The following NUP37 variants were observed in gnomAD, a reference collection of about 807,000 sequenced individuals.
NUP37 encodes nucleoporin 37, also known as nucleoporin Nup37.
In NUP37, 33 loss-of-function variants were observed where a neutral mutation model predicts 45.4. That is an observed-to-expected ratio of 0.73 (90% CI 0.55 to 0.97). The LOEUF (loss-of-function observed/expected upper bound fraction) is 0.97, where lower values mean the gene tolerates loss of function less well. Ranked by LOEUF, NUP37 falls within the 50% of genes least tolerant of loss-of-function variation. The pLI is 0.00. For missense variants in NUP37, 365 were observed against 389.7 expected, an observed-to-expected ratio of 0.94 and a Z score of 0.53; for synonymous variants, 127 against 130.7, an observed-to-expected ratio of 0.97 and a Z score of 0.19.
chr12:102,087,676 T>C (rs114258540), intron 5 of NUP37, among the ~76,000 whole-genome samples: 177 of 152,334 alleles, frequency 1.2e-3, no homozygotes, highest in African/African-American at 3.8e-3. Flanking sequence ...ACTACTGAAA[T>C]AGTATGAATT....
intron 2 of NUP37, among the ~76,000 whole-genome samples, chr12:102,114,046 AAC>A (rs1490163827): frequency 6.6e-6 from 1 of 152,238 alleles, no homozygotes; most frequent in African/African-American, 2.4e-5. Context: ...AGGAAAGAAA[AAC>A]ACTGTCAAAT....
In NUP37 at chr12:102,077,399, G is replaced by A; in HGVS notation, c.645C>T (p.His215=). 6.2e-7 allele frequency: 1 copy of A among 1,614,148 alleles called. No homozygotes were observed. The highest frequency in any genetic ancestry group is 8.5e-7 in the Non-Finnish European group (1 of 1,179,996). The change falls in exon 7 of 10, where the codon CAC becomes CAT. Residue 215 remains histidine (H), a synonymous_variant. Transcript: ENST00000552283. The part of the protein sequence containing the change: ...ESEQVPLMSA[H]WCLKNTFKVG... ...CTTTGAAGGTGTTTTTTAAGCACCA[G>A]TGTGCTGACATTAATGGCACTTGTT...
chr12:102,101,465 C>T (rs1424498778), intron 3 of NUP37, among the ~76,000 whole-genome samples: 3 of 152,038 alleles, frequency 2.0e-5, no homozygotes, highest in Non-Finnish European at 4.4e-5. Context: ...TCATTTTAGC[C>T]AGGTCACCAA....
intron 5 of NUP37, among the ~76,000 whole-genome samples, chr12:102,091,894 T>C (rs1242277586): frequency 6.6e-6 from 1 of 152,224 alleles, no homozygotes; most frequent in African/African-American, 2.4e-5. Context: ...TTTATTGCTA[T>C]GATTATTGCT....
At chr12:102,105,668 C>G (rs1016096042) in intron 3 of NUP37, among the ~76,000 whole-genome samples, 1 of 151,976 alleles carries the variant, frequency 6.6e-6, no homozygotes, top group African/African-American at 2.4e-5. Context: ...TGAGACCAGC[C>G]TGGTCAACAC....
At chr12:102,074,936 G>C in intron 9 of NUP37, 65 bp downstream of exon 9, 1 of 1,029,802 alleles carries the variant, frequency 9.7e-7, no homozygotes, top group Non-Finnish European at 1.4e-6. Context: ...GCTATGAGTG[G>C]AAAAGTCAAA....
Position 102,077,385 on chromosome 12 carries a change from T to G in NUP37, c.659A>C (p.Asn220Thr). Reference protein sequence around the residue: ...PLMSAHWCLKNTFKVGAVAGN... With the variant: ...PLMSAHWCLKTTFKVGAVAGN... Reference sequence around the variant, plus strand: ...TGCAACGGCTCCAACTTTGAAGGTGTTTTTTAAGCACCAGTGTGCTGACAT... The same window carrying G: ...TGCAACGGCTCCAACTTTGAAGGTGGTTTTTAAGCACCAGTGTGCTGACAT... The change falls in exon 7 of 10, where the codon AAC becomes ACC. Residue 220 changes from asparagine (N) to threonine (T), a missense_variant. By Grantham distance (65) the Asn-to-Thr change is moderately conservative (BLOSUM62 0). Transcript: ENST00000552283. 2.5e-6 allele frequency: 4 copies of G among 1,614,086 alleles called. No homozygotes were observed. The highest frequency in any genetic ancestry group is 3.4e-6 in the Non-Finnish European group (4 of 1,179,992).
At chr12:102,083,864 G>T (rs1414732177) in intron 6 of NUP37, among the ~76,000 whole-genome samples, 2 of 152,186 alleles carry the variant, frequency 1.3e-5, no homozygotes, top group East Asian at 3.8e-4. Flanking sequence ...TGAAGGAAAA[G>T]GCCACGGGAT....
chr12:102,102,309 T>C (rs1430942146), intron 3 of NUP37, among the ~76,000 whole-genome samples: 3 of 152,286 alleles, frequency 2.0e-5, no homozygotes, highest in Non-Finnish European at 2.9e-5. Context: ...TCAAGAGTTG[T>C]TAGAGAAAAC....
chr12:102,109,218 A>G (rs1880242980), intron 3 of NUP37, among the ~76,000 whole-genome samples: 1 of 152,224 alleles, frequency 6.6e-6, no homozygotes. Context: ...CTACGCAAGA[A>G]AAGCAAGTAG....
intron 2 of NUP37, among the ~76,000 whole-genome samples, chr12:102,117,072 C>T (rs186120021): frequency 6.6e-6 from 1 of 152,284 alleles, no homozygotes; most frequent in Admixed American, 6.5e-5. Flanking sequence ...ATAACTATCA[C>T]TTTAGTGATA....
Position 102,118,410 on chromosome 12 carries a change from C to T in NUP37, c.109G>A (p.Ala37Thr), listed in dbSNP as rs997619752. The stretch of plus-strand genomic sequence containing the variant: ...ACCACATAATTATTGCCACCATATG[C>T]AATTAGGTTTCCTGAATCCCCATTC... ...FENGDSGNLI[A>T]YGGNNYVVIG... is the part of the protein sequence containing the mutation. Residue 37 changes from alanine (A) to threonine (T), a missense_variant, in exon 2 of 10, where the codon GCA (alanine) becomes ACA (threonine). Transcript: ENST00000552283. The T allele has an allele frequency of 1.9e-6, 3 of 1,613,994 alleles. No individual in the cohort carries two copies. Among genetic ancestry groups the T allele is most frequent in the South Asian group, 2.2e-5 (2 of 91,062 alleles).
chr12:102,109,783 G>A (rs1310948480), intron 3 of NUP37, among the ~76,000 whole-genome samples: 2 of 152,114 alleles, frequency 1.3e-5, no homozygotes, highest in Admixed American at 6.5e-5. Flanking sequence ...AGGAAAACAA[G>A]TACTAAGCAA....
At chr12:102,109,902 CAA>C (rs1880262166) in intron 3 of NUP37, among the ~76,000 whole-genome samples, 1 of 152,134 alleles carries the variant, frequency 6.6e-6, no homozygotes, top group Non-Finnish European at 1.5e-5. Flanking sequence ...TTTAAAGAAT[CAA>C]AGAGACTTGT....
At position 102,120,112 on chromosome 12, in the gene NUP37, T is replaced by C. The variant is rs1049030166; in HGVS notation, c.-128A>G. The C allele has an allele frequency of 1.1e-5, 2 of 175,882 alleles. No homozygotes were observed. Among genetic ancestry groups the C allele is most frequent in the South Asian group, 1.8e-4 (2 of 11,072 alleles). The allele number at this position is 175,882 out of a possible 1,614,324, so 10.9% of individuals were successfully genotyped here. A position where few individuals can be genotyped will look rare whatever the true frequency, so the allele number is the denominator to read the frequency against. ...TTCCTTGGGGGCTGCCGCGACGCGC[T>C]GTGGCTCTGCTTCCGGGTCGGAGGG... On this transcript the variant is annotated 5_prime_UTR_variant, in exon 1 of 10. Transcript: ENST00000552283.
intron 5 of NUP37, among the ~76,000 whole-genome samples, chr12:102,095,220 A>G (rs1320800342): frequency 6.6e-6 from 1 of 152,246 alleles, no homozygotes; most frequent in East Asian, 1.9e-4. Context: ...AAATACTTAA[A>G]TGACACTTTT....
chr12:102,103,167 G>A (rs1001288200), intron 3 of NUP37, among the ~76,000 whole-genome samples: 1 of 152,054 alleles, frequency 6.6e-6, no homozygotes, highest in African/African-American at 2.4e-5. Flanking sequence ...GCATTGCATT[G>A]AATCTGTGGA....
chr12:102,117,928 A>C (rs955054689), intron 2 of NUP37, among the ~76,000 whole-genome samples: 1 of 152,224 alleles, frequency 6.6e-6, no homozygotes, highest in Non-Finnish European at 1.5e-5. Flanking sequence ...AAAGTATGAC[A>C]GCATACTAAT....
At chr12:102,108,052 G>A (rs907295081) in intron 3 of NUP37, among the ~76,000 whole-genome samples, 1 of 152,152 alleles carries the variant, frequency 6.6e-6, no homozygotes, top group Non-Finnish European at 1.5e-5. Flanking sequence ...TTAATATTAA[G>A]TGTCAACTTG....
Sources: allele counts gnomAD v4.1 joint callset (sites outside exome capture counted in the v4.1 genomes callset), GRCh38; gene constraint gnomAD v4.1.1; transcripts MANE v1.5; gene names NCBI Gene and HGNC (gene_info 2026-07-23, HGNC 2026-07-21).